The following GSDME variants were observed in gnomAD, a reference collection of about 807,000 sequenced individuals.
The protein encoded by GSDME is gasdermin-E.
In GSDME, 44 loss-of-function variants were observed where a neutral mutation model predicts 47.5. That is an observed-to-expected ratio of 0.93 (90% CI 0.73 to 1.19). The LOEUF is 1.19. GSDME is among the 50% of genes most tolerant of loss of function. The pLI is 0.00. For missense variants in GSDME, 663 were observed against 604.2 expected, an observed-to-expected ratio of 1.10 and a Z score of -1.02; for synonymous variants, 258 against 252.8, an observed-to-expected ratio of 1.02 and a Z score of -0.20.
the GSDME span, among the ~76,000 whole-genome samples, chr7:24,792,240 T>C: frequency 6.6e-6 from 1 of 152,250 alleles, no homozygotes; most frequent in African/African-American, 2.4e-5. Context: ...TCTAATAAAA[T>C]GAATGTATGG....
intron 8 of GSDME, 50 bp from the exon 9 acceptor site, chr7:24,702,883 G>T: frequency 6.5e-7 from 1 of 1,529,088 alleles, no homozygotes; most frequent in Non-Finnish European, 9.0e-7. Flanking sequence ...AAGTCCATGG[G>T]AACAGAGCCA....
Position 24,717,340 on chromosome 7 carries a change from T to C in GSDME, c.611A>G (p.Asp204Gly), listed in dbSNP as rs376564087. The part of the protein sequence containing the change: ...SATEDGNVTK[D>G]SNVVLEIPAA... Reference sequence around the variant, plus strand: ...TGGGATCTCCAGCACCACGTTGGAGTCCTTGGTGACATTCCCATCCTCCGT... The same window carrying C: ...TGGGATCTCCAGCACCACGTTGGAGCCCTTGGTGACATTCCCATCCTCCGT... Residue 204 changes from aspartate (D) to glycine (G), a missense_variant, in exon 5 of 10, where the codon GAC becomes GGC. Coordinates refer to ENST00000645220, the MANE Select transcript of GSDME (RefSeq NM_001127453.2). 8.7e-6 allele frequency: 14 copies of C among 1,612,258 alleles called. No homozygotes were observed. Among genetic ancestry groups the C allele is most frequent in the Non-Finnish European group, 1.2e-5 (14 of 1,179,498 alleles).
intron 3 of GSDME, among the ~76,000 whole-genome samples, chr7:24,723,590 A>C (rs886106589): frequency 1.3e-5 from 2 of 152,174 alleles, no homozygotes; most frequent in African/African-American, 4.8e-5. Context: ...TAAAACTCTC[A>C]GTTGAGGGTT....
intron 3 of GSDME, among the ~76,000 whole-genome samples, chr7:24,722,787 C>T (rs1789837257): frequency 1.3e-5 from 2 of 152,234 alleles, no homozygotes; most frequent in Non-Finnish European, 2.9e-5. Flanking sequence ...ACCTCAAACA[C>T]CAAAAGAGAG....
At chr7:24,767,267 T>G in the GSDME span, among the ~76,000 whole-genome samples, 1 of 152,228 alleles carries the variant, frequency 6.6e-6, no homozygotes, top group East Asian at 1.9e-4. This position sits in a 1 kb window ranked among gnomAD's most constrained non-coding sequence, Gnocchi z 5.3. Flanking sequence ...GAGGTTGCAG[T>G]GAGCCAAGAT....
In GSDME at chr7:24,721,011, T is replaced by A. The variant is rs1447089205; in HGVS notation, c.405-1793A>T. Among the ~76,000 whole-genome samples the A allele has an allele frequency of 1.3e-5, 2 of 152,122 alleles. No individual in the cohort carries two copies. The highest frequency in any genetic ancestry group is 1.3e-4 in the Admixed American group (2 of 15,284). On this transcript the variant is annotated intron_variant, in intron 3 of 9. Coordinates refer to ENST00000645220, the MANE Select transcript of GSDME (RefSeq NM_001127453.2). This position sits in a 1 kb window ranked among gnomAD's most constrained non-coding sequence, Gnocchi z 4.1. ...CACTCCAGGGACAAATGAGCAATAT[T>A]GTGTGGTTCCTCATATGAAATATCT...
In GSDME at chr7:24,756,722, G is replaced by A. The variant is rs1791029834; in HGVS notation, c.-20+674C>T. ...GTGCCCTCTAGTCTTTCCCCTCGGG[G>A]TGCAGACGGCAAGCGGCTCTGGAAA... is the stretch of plus-strand genomic sequence containing the variant. On this transcript the variant is annotated intron_variant, in intron 1 of 9. Transcript: ENST00000645220. The surrounding 1 kb of genome is among the most constrained non-coding windows in gnomAD (Gnocchi z 4.2). Among the ~76,000 whole-genome samples, 1 of 152,152 alleles carries A rather than the reference G, an allele frequency of 6.6e-6. No homozygotes were observed. Among genetic ancestry groups the A allele is most frequent in the Non-Finnish European group, 1.5e-5 (1 of 68,038 alleles).
In GSDME at chr7:24,736,115, A is replaced by G. The variant is rs371774199; in HGVS notation, c.404+8447T>C. 9.9e-5 allele frequency among the ~76,000 whole-genome samples: 15 copies of G among 152,276 alleles called. 1 individual carries two copies. The highest frequency in any genetic ancestry group is 7.2e-4 in the Admixed American group (11 of 15,290). ...CTAAAAGGAAGACAGGAAGAAAAGA[A>G]AGAAGGAGGAGAAGACCACAAAACA... On this transcript the variant is annotated intron_variant, in intron 3 of 9. Transcript: ENST00000645220. This position sits in a 1 kb window ranked among gnomAD's most constrained non-coding sequence, Gnocchi z 4.6.
rs1789894772 is a variant in GSDME at position 24,724,294 on chromosome 7, T to G, written c.405-5076A>C. On this transcript the variant is annotated intron_variant, in intron 3 of 9. Transcript: ENST00000645220. This position sits in a 1 kb window ranked among gnomAD's most constrained non-coding sequence, Gnocchi z 4.8. ...CTGTGCTATCCACCCAGCTGGGGGA[T>G]AAAATGAATGGTTTATCACATAAAC... Among the ~76,000 whole-genome samples the G allele has an allele frequency of 6.6e-6, 1 of 152,036 alleles. No homozygotes were observed. The highest frequency in any genetic ancestry group is 2.1e-4 in the South Asian group (1 of 4,802).
At chr7:24,727,166 A>T (rs1789996201) in intron 3 of GSDME, among the ~76,000 whole-genome samples, 1 of 152,194 alleles carries the variant, frequency 6.6e-6, no homozygotes, top group Non-Finnish European at 1.5e-5. Flanking sequence ...ACCTAGATCT[A>T]ACCCAGTGTC....
chr7:24,773,590 C>T, the GSDME span, among the ~76,000 whole-genome samples: 1 of 152,118 alleles, frequency 6.6e-6, no homozygotes, highest in Non-Finnish European at 1.5e-5. This position sits in a 1 kb window ranked among gnomAD's most constrained non-coding sequence, Gnocchi z 5.4. Context: ...ATTTTTAAGG[C>T]TAATTAAGAG....
At chr7:24,781,974 G>A in the GSDME span, among the ~76,000 whole-genome samples, 1 of 152,164 alleles carries the variant, frequency 6.6e-6, no homozygotes, top group Middle Eastern at 3.4e-3. Context: ...TGAAACTCCT[G>A]GCCTCAAGCA....
At position 24,740,839 on chromosome 7, in the gene GSDME, T is replaced by C. The variant is rs543699375; in HGVS notation, c.404+3723A>G. 1.4e-4 allele frequency among the ~76,000 whole-genome samples: 21 copies of C among 152,296 alleles called. No homozygotes were observed. The South Asian group carries it at 4.1e-3, about 30-fold the overall frequency. The stretch of plus-strand genomic sequence containing the variant: ...ATGTGCATAGAAAAATGTAATCTGC[T>C]TTACCAAAATTCCCTTTACAATATG... On this transcript the variant is annotated intron_variant, in intron 3 of 9. Transcript: ENST00000645220.
Position 24,736,074 on chromosome 7 carries a change from T to C in GSDME, c.404+8488A>G, listed in dbSNP as rs1357995086. 4.0e-5 allele frequency among the ~76,000 whole-genome samples: 6 copies of C among 151,768 alleles called. No homozygotes were observed. The highest frequency in any genetic ancestry group is 1.3e-4 in the Admixed American group (2 of 15,220). On this transcript the variant is annotated intron_variant, in intron 3 of 9. Transcript: ENST00000645220. The surrounding 1 kb of genome is among the most constrained non-coding windows in gnomAD (Gnocchi z 4.6). ...AGCAAGAAATTAAATCATACCACCA[T>C]AGAAAGTCACCTTCACTAAAAGGAA...
intron 3 of GSDME, among the ~76,000 whole-genome samples, chr7:24,730,223 C>T (rs1182862528): frequency 6.6e-6 from 1 of 152,206 alleles, no homozygotes; most frequent in Non-Finnish European, 1.5e-5. Context: ...TAACTCCTGA[C>T]TCATCCCAGC....
Position 24,710,270 on chromosome 7 carries a change from C to T in GSDME, c.816G>A (p.Ala272=), listed in dbSNP as rs144907090. 1.2e-5 allele frequency: 19 copies of T among 1,614,072 alleles called. No individual in the cohort carries two copies. Among genetic ancestry groups the T allele is most frequent in the South Asian group, 2.2e-5 (2 of 91,090 alleles). The change falls in exon 6 of 10, where the codon GCG becomes GCA. Residue 272 remains alanine, a synonymous_variant. Transcript: ENST00000645220. ...EFAFIDMPDA[A]HGISSQDGPL... is the part of the protein sequence containing the mutation. ...GTCCATCCTGGGAAGATATCCCATGCGCAGCATCTGGCATGTCTATGAATG... is the reference window on the plus strand; with the variant it reads ...GTCCATCCTGGGAAGATATCCCATGTGCAGCATCTGGCATGTCTATGAATG...
At position 24,717,236 on chromosome 7, in the gene GSDME, A is replaced by G. The variant is rs376554317; in HGVS notation, c.697+18T>C. The G allele has an allele frequency of 2.0e-4, 286 of 1,420,630 alleles. No individual in the cohort carries two copies. The highest frequency in any genetic ancestry group is 2.4e-4 in the Non-Finnish European group (249 of 1,048,726). 88.0% of individuals were successfully genotyped at this position (1,420,630 alleles called of 1,614,324 possible). On this transcript the variant is annotated intron_variant, in intron 5 of 9. Coordinates refer to ENST00000645220, the MANE Select transcript of GSDME (RefSeq NM_001127453.2). Reference sequence around the variant, plus strand: ...CTCTGCTGGGGATCCCTCAGCACCCATAGGAGGTGGCACTCACCGAACTGG... The same window carrying G: ...CTCTGCTGGGGATCCCTCAGCACCCGTAGGAGGTGGCACTCACCGAACTGG...
At chr7:24,769,776 C>T in the GSDME span, among the ~76,000 whole-genome samples, 1 of 152,102 alleles carries the variant, frequency 6.6e-6, no homozygotes, top group Non-Finnish European at 1.5e-5. Context: ...CACACGCATG[C>T]AATCTGAAAA....
At chr7:24,787,404 C>A in the GSDME span, among the ~76,000 whole-genome samples, 1 of 120,222 alleles carries the variant, frequency 8.3e-6, no homozygotes, top group Non-Finnish European at 1.9e-5. The surrounding 1 kb of genome is among the most constrained non-coding windows in gnomAD (Gnocchi z 5.0). Flanking sequence ...AAGGTGGTGT[C>A]CCAGCTATGT....
Sources: gnomAD v4.1 joint callset for allele counts (sites outside exome capture counted in the v4.1 genomes callset) on GRCh38, gnomAD v4.1.1 for gene constraint, Gnocchi (gnomAD v3.1) non-coding constraint, MANE v1.5 for transcripts, NCBI Gene and HGNC (gene_info 2026-07-23, HGNC 2026-07-21) for gene names.